The following FOXP2 variants were observed in gnomAD, a reference collection of about 807,000 sequenced individuals.
The protein encoded by FOXP2 is forkhead box protein P2.
FOXP2 carries 12 observed loss-of-function variants against 115.8 expected under a neutral mutation model. The observed-to-expected ratio is 0.10, with a 90% confidence interval of 0.07 to 0.17. The LOEUF is 0.17. FOXP2 is among the 10% of genes least tolerant of loss of function. The pLI is 1.00. For synonymous variants in FOXP2, 328 were observed against 297.7 expected (o/e 1.10, Z -1.05); for missense variants, 629 against 843.5 (o/e 0.75, Z 3.15).
chr7:114,431,122 A>G (rs1027587450), intron 2 of FOXP2, among the ~76,000 whole-genome samples: 2 of 151,964 alleles, frequency 1.3e-5, no homozygotes, highest in African/African-American at 2.4e-5. Context: ...CCTGTCTTGC[A>G]TGAAAGCATT....
intron 3 of FOXP2, among the ~76,000 whole-genome samples, chr7:114,576,656 T>C (rs1801593057): frequency 6.6e-6 from 1 of 151,906 alleles, no homozygotes; most frequent in South Asian, 2.1e-4. Context: ...TAATATTCAT[T>C]TATGGTGCTT....
At chr7:114,337,346 A>T (rs1344778222) in intron 2 of FOXP2, among the ~76,000 whole-genome samples, 1 of 151,312 alleles carries the variant, frequency 6.6e-6, no homozygotes, top group Non-Finnish European at 1.5e-5. Flanking sequence ...ATTACTTTTT[A>T]AAAGAAAAGA....
intron 1 of FOXP2, among the ~76,000 whole-genome samples, chr7:114,255,609 C>T (rs1204977922): frequency 2.0e-5 from 3 of 152,228 alleles, no homozygotes; most frequent in Non-Finnish European, 2.9e-5. Context: ...GCAATATAAT[C>T]TCCTGGTGTG....
chr7:114,601,990 T>C (rs1389399575), intron 3 of FOXP2, among the ~76,000 whole-genome samples: 2 of 152,088 alleles, frequency 1.3e-5, no homozygotes, highest in African/African-American at 4.8e-5. Flanking sequence ...TATGTGTGTG[T>C]AACAATTAGA....
chr7:114,327,169 A>G (rs1797575980), intron 2 of FOXP2, among the ~76,000 whole-genome samples: 1 of 152,108 alleles, frequency 6.6e-6, no homozygotes, highest in African/African-American at 2.4e-5. Context: ...TATTTGTATG[A>G]TTACTAATTT....
intron 2 of FOXP2, among the ~76,000 whole-genome samples, chr7:114,406,415 T>C (rs1793038464): frequency 1.3e-5 from 2 of 152,094 alleles, no homozygotes; most frequent in Admixed American, 1.3e-4. Flanking sequence ...GTGTGATGTT[T>C]GTACAGGTGT....
chr7:114,645,129 AATATATATATATAT>A (rs60674425), intron 8 of FOXP2: 1,275 of 32,648 alleles, frequency 0.039, 38 homozygotes, highest in African/African-American at 0.1. Flanking sequence ...GAGTCATCCT[AATATATATATATAT>A]ATATATATAT....
At chr7:114,623,696 A>G (rs958374311) in intron 3 of FOXP2, among the ~76,000 whole-genome samples, 9 of 151,916 alleles carry the variant, frequency 5.9e-5, no homozygotes, top group Admixed American at 5.3e-4. Context: ...ACAAAGTTGG[A>G]CAAACACTAC....
At chr7:114,608,911 A>G (rs1229653522) in intron 3 of FOXP2, among the ~76,000 whole-genome samples, 1 of 152,094 alleles carries the variant, frequency 6.6e-6, no homozygotes, top group Non-Finnish European at 1.5e-5. Context: ...TTAAAAAGAA[A>G]CCTTCAGCTG....
At chr7:114,528,761 T>C (rs1199032138) in intron 2 of FOXP2, among the ~76,000 whole-genome samples, 1 of 151,594 alleles carries the variant, frequency 6.6e-6, no homozygotes, top group East Asian at 1.9e-4. Flanking sequence ...AAAGATGATA[T>C]TGGTCTCATA....
At chr7:114,514,323 A>G (rs1584832937) in intron 2 of FOXP2, among the ~76,000 whole-genome samples, 1 of 152,094 alleles carries the variant, frequency 6.6e-6, no homozygotes, top group Non-Finnish European at 1.5e-5. Context: ...CTTTGTCATT[A>G]ACTATCATCA....
chr7:114,507,680 C>T (rs1797888359), intron 2 of FOXP2, among the ~76,000 whole-genome samples: 1 of 151,656 alleles, frequency 6.6e-6, no homozygotes, highest in Admixed American at 6.6e-5. Context: ...GGACTATGTC[C>T]CAATACATGC....
intron 1 of FOXP2, among the ~76,000 whole-genome samples, chr7:114,175,415 T>C (rs1397775944): frequency 1.3e-5 from 2 of 152,288 alleles, no homozygotes; most frequent in South Asian, 2.1e-4. Flanking sequence ...TAGCCATGGG[T>C]AACAATGTTA....
intron 3 of FOXP2, among the ~76,000 whole-genome samples, chr7:114,583,250 A>G (rs550862723): frequency 6.6e-6 from 1 of 152,136 alleles, no homozygotes; most frequent in South Asian, 2.1e-4. Flanking sequence ...ATGGTGGTGC[A>G]CACCTGTAAT....
intron 1 of FOXP2, among the ~76,000 whole-genome samples, chr7:114,183,777 A>G (rs933038889): frequency 9.9e-5 from 15 of 152,184 alleles, no homozygotes; most frequent in African/African-American, 3.4e-4. Context: ...CTTTAAAAAT[A>G]GCTAATTAGT....
intron 2 of FOXP2, among the ~76,000 whole-genome samples, chr7:114,434,339 T>C (rs1794243803): frequency 6.6e-6 from 1 of 151,300 alleles, no homozygotes; most frequent in Non-Finnish European, 1.5e-5. Context: ...CTAGTTAACA[T>C]AATGCCTAAC....
intron 2 of FOXP2, among the ~76,000 whole-genome samples, chr7:114,306,958 GCTAATTCCAGA>G (rs1797029433): frequency 6.6e-6 from 1 of 152,212 alleles, no homozygotes; most frequent in East Asian, 1.9e-4. Context: ...GGGTCCACTG[GCTAATTCCAGA>G]CGATCTCCCT....
At chr7:114,131,553 T>C (rs1791878177) in intron 1 of FOXP2, among the ~76,000 whole-genome samples, 1 of 149,834 alleles carries the variant, frequency 6.7e-6, no homozygotes, top group African/African-American at 2.5e-5. Context: ...GCAAGGAATG[T>C]GCAAAAAAAA....
chr7:114,231,836 A>G (rs1440138675), intron 1 of FOXP2, among the ~76,000 whole-genome samples: 1 of 152,212 alleles, frequency 6.6e-6, no homozygotes, highest in African/African-American at 2.4e-5. Flanking sequence ...GACACCAAAA[A>G]CACTGGCAAC....
Sources: gnomAD v4.1 joint callset for allele counts (sites outside exome capture counted in the v4.1 genomes callset) on GRCh38, gnomAD v4.1.1 for gene constraint, MANE v1.5 for transcripts, NCBI Gene and HGNC (gene_info 2026-07-23, HGNC 2026-07-21) for gene names.